Variants in LARGE1 observed in about 807,000 individuals in gnomAD.
LARGE1 encodes LARGE xylosyl- and glucuronyltransferase 1, also known as xylosyl- and glucuronyltransferase LARGE1.
Under a neutral mutation model 87.6 loss-of-function variants are expected in LARGE1, and 43 were observed. The observed-to-expected ratio is 0.49, with a 90% CI of 0.38 to 0.63. The LOEUF is 0.63. LARGE1 is among the 30% of genes least tolerant of loss of function. The pLI is 0.00. For missense variants in LARGE1, 802 were observed against 1,000.2 expected, an observed-to-expected ratio of 0.80 and a Z score of 2.67; for synonymous variants, 434 against 394.6, an observed-to-expected ratio of 1.10 and a Z score of -1.18.
At chr22:33,845,063 A>G (rs1189552733) in intron 1 of LARGE1, among the ~76,000 whole-genome samples, 4 of 151,962 alleles carry the variant, frequency 2.6e-5, no homozygotes, top group East Asian at 1.9e-4. Flanking sequence ...TTTGTCCCCA[A>G]TAAAATCTTC....
chr22:33,333,255 T>A (rs1937979804), intron 10 of LARGE1, among the ~76,000 whole-genome samples: 1 of 152,160 alleles, frequency 6.6e-6, no homozygotes, highest in Admixed American at 6.5e-5. Flanking sequence ...CCTGACCTCA[T>A]GATCCGCCCA....
chr22:33,698,975 C>T (rs575366982), intron 2 of LARGE1, among the ~76,000 whole-genome samples: 5 of 152,292 alleles, frequency 3.3e-5, no homozygotes, highest in South Asian at 2.1e-4. Context: ...GCACATAGCA[C>T]GAACTCCATA....
chr22:33,413,110 G>T (rs994756162), intron 7 of LARGE1, among the ~76,000 whole-genome samples: 3 of 152,040 alleles, frequency 2.0e-5, no homozygotes, highest in African/African-American at 7.2e-5. Context: ...ATGTGAATAT[G>T]AGTTGTCAAA....
intron 13 of LARGE1, among the ~76,000 whole-genome samples, chr22:33,278,350 CCAAG>C (rs1929735552): frequency 6.6e-6 from 1 of 152,074 alleles, no homozygotes; most frequent in Admixed American, 6.5e-5. Flanking sequence ...CAGTGAGATC[CCAAG>C]CAGAGAATCC....
intron 5 of LARGE1, among the ~76,000 whole-genome samples, chr22:33,602,131 C>G (rs2079129044): frequency 6.6e-6 from 1 of 152,206 alleles, no homozygotes; most frequent in South Asian, 2.1e-4. Context: ...GTCGTGTACA[C>G]TGACCCATCT....
intron 2 of LARGE1, among the ~76,000 whole-genome samples, chr22:33,740,371 G>A (rs1186377746): frequency 6.6e-6 from 1 of 152,172 alleles, no homozygotes; most frequent in Non-Finnish European, 1.5e-5. Flanking sequence ...ATTGCTCTCA[G>A]CCTTAAATTC....
chr22:33,085,094 G>T, the LARGE1 span, among the ~76,000 whole-genome samples: 1 of 152,200 alleles, frequency 6.6e-6, no homozygotes. Flanking sequence ...TTGCCAACAT[G>T]GCAAAACCCC....
chr22:33,638,901 A>AG (rs2080347874), intron 3 of LARGE1, among the ~76,000 whole-genome samples: 1 of 152,366 alleles, frequency 6.6e-6, no homozygotes, highest in South Asian at 2.1e-4. Flanking sequence ...CTGGCATCAG[A>AG]GGATAACATT....
At chr22:33,218,131 T>C (rs1602106732) in intron 11 of LARGE1, among the ~76,000 whole-genome samples, 2 of 152,072 alleles carry the variant, frequency 1.3e-5, no homozygotes, top group South Asian at 4.1e-4. Flanking sequence ...GATTTCATCA[T>C]GTTGGCCAGG....
At chr22:33,187,765 CA>C (rs201533880) in intron 11 of LARGE1, among the ~76,000 whole-genome samples, 3 of 149,124 alleles carry the variant, frequency 2.0e-5, no homozygotes, top group African/African-American at 4.9e-5. Flanking sequence ...AAACAAAATA[CA>C]AAAAAAAATT....
intron 1 of LARGE1, among the ~76,000 whole-genome samples, chr22:33,853,599 C>T (rs2063672415): frequency 6.6e-6 from 1 of 152,208 alleles, no homozygotes; most frequent in African/African-American, 2.4e-5. Context: ...ATGTGGCCTA[C>T]ATAACCCTTA....
chr22:33,079,810 C>A, the LARGE1 span, among the ~76,000 whole-genome samples: 1 of 152,010 alleles, frequency 6.6e-6, no homozygotes, highest in Non-Finnish European at 1.5e-5. Context: ...ACTCTGAGCC[C>A]CCAAGAAAAG....
intron 1 of LARGE1, among the ~76,000 whole-genome samples, chr22:33,901,813 A>G (rs1010844961): frequency 2.0e-5 from 3 of 152,244 alleles, no homozygotes; most frequent in African/African-American, 7.2e-5. Flanking sequence ...ACCACATCGT[A>G]TAGCAAATGG....
intron 1 of LARGE1, among the ~76,000 whole-genome samples, chr22:33,872,775 A>T (rs1601825025): frequency 6.6e-6 from 1 of 152,154 alleles, no homozygotes; most frequent in African/African-American, 2.4e-5. Flanking sequence ...AGGCGGGTGG[A>T]TGACCTGAGG....
intron 4 of LARGE1, among the ~76,000 whole-genome samples, chr22:33,615,849 T>C (rs144327194): frequency 6.6e-6 from 1 of 152,242 alleles, no homozygotes; most frequent in African/African-American, 2.4e-5. Flanking sequence ...CCAATAAAAA[T>C]TGAGCAAAGG....
chr22:33,287,849 T>C (rs111387609), intron 12 of LARGE1, among the ~76,000 whole-genome samples: 13 of 152,330 alleles, frequency 8.5e-5, no homozygotes, highest in African/African-American at 3.1e-4. Context: ...TTGCTAAATG[T>C]AGATTATTAA....
intron 1 of LARGE1, among the ~76,000 whole-genome samples, chr22:33,912,893 T>C (rs2065678776): frequency 6.6e-6 from 1 of 151,804 alleles, no homozygotes; most frequent in Admixed American, 6.6e-5. Context: ...GCAATGGCTG[T>C]GATCTCGGCT....
Position 33,727,047 on chromosome 22 carries a change from C to T in LARGE1, c.106+34324G>A, listed in dbSNP as rs1274756776. 3.3e-5 allele frequency among the ~76,000 whole-genome samples: 5 copies of T among 152,142 alleles called. No homozygotes were observed. In the East Asian group the frequency reaches 5.8e-4, roughly 18 times the overall value. On this transcript the variant is annotated intron_variant, in intron 2 of 14. Transcript: ENST00000397394. ...GAGAATCAGTCTGTCATGGCTAGCA[C>T]GGATGGGTCAATGCCGGCAGCAGAA...
chr22:33,250,999 T>C (rs184324845), intron 11 of LARGE1, among the ~76,000 whole-genome samples: 72 of 152,348 alleles, frequency 4.7e-4, no homozygotes, highest in African/African-American at 1.7e-3. Context: ...ATTAGGGTCA[T>C]GCTTGCCTCA....
Sources: gnomAD v4.1 joint callset for allele counts (sites outside exome capture counted in the v4.1 genomes callset) on GRCh38, gnomAD v4.1.1 for gene constraint, MANE v1.5 for transcripts, NCBI Gene and HGNC (gene_info 2026-07-23, HGNC 2026-07-21) for gene names.